EHMT1: variants seen among roughly 807,000 people sequenced by gnomAD.
The protein encoded by EHMT1 is histone-lysine N-methyltransferase EHMT1.
In EHMT1, 15 loss-of-function variants were observed where a neutral mutation model predicts 147.2. The ratio of observed to expected loss-of-function variants is 0.10; its 90% CI spans 0.07 to 0.16. The LOEUF is 0.16. Among genes scored for constraint, EHMT1 ranks in the 10% least tolerant of loss-of-function variants. The pLI, the probability that EHMT1 is intolerant of heterozygous loss-of-function variation, is 1.00. For missense variants in EHMT1, 1,587 were observed against 1,772.4 expected (o/e 0.90, Z 1.88); for synonymous variants, 795 against 709.6 (o/e 1.12, Z -1.91).
chr9:137,680,348 T>C (rs1309674914), intron 1 of EHMT1, among the ~76,000 whole-genome samples: 1 of 151,910 alleles, frequency 6.6e-6, no homozygotes, highest in African/African-American at 2.4e-5. Flanking sequence ...TGGTGCACGC[T>C]TGTGATCCCA....
At chr9:137,822,143 T>A (rs1245859163) in intron 25 of EHMT1, among the ~76,000 whole-genome samples, 1 of 152,192 alleles carries the variant, frequency 6.6e-6, no homozygotes, top group Non-Finnish European at 1.5e-5. Flanking sequence ...GCATTCACAT[T>A]TTCTATAAAC....
chr9:137,690,179 T>C (rs1942814075), intron 1 of EHMT1, among the ~76,000 whole-genome samples: 1 of 152,136 alleles, frequency 6.6e-6, no homozygotes, highest in Admixed American at 6.5e-5. Context: ...GGATTTCTCA[T>C]GTATTTTGAA....
chr9:137,795,401 G>GCAAACACACACACACACA (rs1952823483), intron 16 of EHMT1, among the ~76,000 whole-genome samples: 1 of 130,178 alleles, frequency 7.7e-6, no homozygotes, highest in African/African-American at 2.7e-5. Flanking sequence ...ATCGCAGGGT[G>GCAAACACACACACACACA]CACACACACA....
chr9:137,736,782 T>G (rs1222209036), intron 4 of EHMT1, among the ~76,000 whole-genome samples: 2 of 152,030 alleles, frequency 1.3e-5, no homozygotes, highest in African/African-American at 4.8e-5. Flanking sequence ...TCCCAGATAC[T>G]TGGGAGGCCG....
chr9:137,832,403 G>A (rs867111260), intron 25 of EHMT1, among the ~76,000 whole-genome samples: 32 of 139,278 alleles, frequency 2.3e-4, no homozygotes, highest in Middle Eastern at 4.5e-3. Flanking sequence ...CACAGGCCCC[G>A]CCTCCCACGT....
chr9:137,715,820 G>A (rs1945162341), intron 2 of EHMT1: 1 of 985,202 alleles, frequency 1.0e-6, no homozygotes, highest in Admixed American at 6.1e-5. Flanking sequence ...CTCTTCTGAA[G>A]CCTTGTTTTC....
intron 3 of EHMT1, among the ~76,000 whole-genome samples, chr9:137,719,329 G>A (rs912095518): frequency 3.3e-5 from 5 of 152,164 alleles, no homozygotes; most frequent in African/African-American, 1.2e-4. Flanking sequence ...TGACCACAGT[G>A]GGTGGTGGGC....
chr9:137,639,594 A>C (rs1244235887), intron 1 of EHMT1, among the ~76,000 whole-genome samples: 1 of 152,128 alleles, frequency 6.6e-6, no homozygotes, highest in African/African-American at 2.4e-5. Flanking sequence ...TTTTGTTTTA[A>C]AGTCTATTTT....
intron 1 of EHMT1, among the ~76,000 whole-genome samples, chr9:137,655,683 T>G (rs1938366904): frequency 6.6e-6 from 1 of 152,234 alleles, no homozygotes; most frequent in South Asian, 2.1e-4. Context: ...GCCTGAGTTC[T>G]GCCTCTGCCA....
At chr9:137,790,008 G>GCTCA (rs1345459952) in intron 15 of EHMT1, among the ~76,000 whole-genome samples, 1 of 152,240 alleles carries the variant, frequency 6.6e-6, no homozygotes, top group Non-Finnish European at 1.5e-5. Flanking sequence ...GGGATGACAG[G>GCTCA]CGTGAGCTGC....
chr9:137,760,865 A>G (rs757877253), intron 9 of EHMT1, among the ~76,000 whole-genome samples: 2 of 152,174 alleles, frequency 1.3e-5, no homozygotes, highest in African/African-American at 4.8e-5. Flanking sequence ...AAAATTAGCC[A>G]GGCGTGGTGG....
intron 15 of EHMT1, among the ~76,000 whole-genome samples, chr9:137,783,763 C>G (rs1261054396): frequency 6.6e-6 from 1 of 152,238 alleles, no homozygotes; most frequent in Non-Finnish European, 1.5e-5. Context: ...GCACCGTCTG[C>G]TGTGCCCACA....
chr9:137,776,874 C>G lies in EHMT1; in HGVS notation c.2018+30C>G, dbSNP rs760471117. On this transcript the variant is annotated intron_variant, in intron 12 of 26. Transcript: ENST00000460843. The surrounding 1 kb of genome is among the most constrained non-coding windows in gnomAD (Gnocchi z 4.4). The stretch of plus-strand genomic sequence containing the variant: ...CTGGCACAGGCTCTGGCTGGGCTCT[C>G]CAGTCGTCCACCTGAAAAAGTTTCA... 1 of 1,606,894 alleles carries G rather than the reference C, an allele frequency of 6.2e-7. No homozygotes were observed. The highest frequency in any genetic ancestry group is 8.5e-7 in the Non-Finnish European group (1 of 1,175,242).
intron 1 of EHMT1, among the ~76,000 whole-genome samples, chr9:137,627,258 ATTTTTTTTTTT>A (rs1196958635): frequency 4.4e-5 from 5 of 113,860 alleles, no homozygotes; most frequent in Non-Finnish European, 9.1e-5. Flanking sequence ...ATGCCTGGCC[ATTTTTTTTTTT>A]TTTTTTTTTT....
rs757250849 is a variant in EHMT1 at position 137,716,876 on chromosome 9, C to G, written c.336C>G (p.Asp112Glu). The G allele has an allele frequency of 8.7e-6, 14 of 1,613,168 alleles. No individual in the cohort carries two copies. Among genetic ancestry groups the G allele is most frequent in the Non-Finnish European group, 1.0e-5 (12 of 1,179,918 alleles). Residue 112 changes from aspartate to glutamate, a missense_variant, in exon 3 of 27, where the codon GAC becomes GAG. Transcript: ENST00000460843. ...CGAAGCAAAACCACGTCACTGCCGA[C>G]GACTTTGTGCAGACTTCTGTCATCG... ...EAAKQNHVTA[D>E]DFVQTSVIGS...
At chr9:137,669,685 G>C (rs1410730597) in intron 1 of EHMT1, among the ~76,000 whole-genome samples, 3 of 151,196 alleles carry the variant, frequency 2.0e-5, no homozygotes, top group Non-Finnish European at 4.4e-5. Context: ...ACACAGACTT[G>C]TGTCCCTATG....
At chr9:137,658,236 C>T (rs370739526) in intron 1 of EHMT1, among the ~76,000 whole-genome samples, 1 of 151,764 alleles carries the variant, frequency 6.6e-6, no homozygotes, top group African/African-American at 2.4e-5. Context: ...CTGCAGCCTC[C>T]GCCTCCTGGG....
At chr9:137,801,846 T>C (rs993099254) in intron 18 of EHMT1, among the ~76,000 whole-genome samples, 3 of 152,176 alleles carry the variant, frequency 2.0e-5, no homozygotes, top group Non-Finnish European at 4.4e-5. Flanking sequence ...TTGGCCAGGC[T>C]GGTCTTGAAC....
chr9:137,663,357 C>G (rs1199241222), intron 1 of EHMT1, among the ~76,000 whole-genome samples: 1 of 151,998 alleles, frequency 6.6e-6, no homozygotes, highest in Non-Finnish European at 1.5e-5. Flanking sequence ...TGACAAGATC[C>G]TGGTTTTTGT....
Sources: allele counts gnomAD v4.1 joint callset (sites outside exome capture counted in the v4.1 genomes callset), GRCh38; gene constraint gnomAD v4.1.1; non-coding constraint Gnocchi (gnomAD v3.1); transcripts MANE v1.5; gene names NCBI Gene and HGNC (gene_info 2026-07-23, HGNC 2026-07-21).